Variants in WARS2 observed in about 807,000 individuals in gnomAD.
WARS2 encodes the protein tryptophan--tRNA ligase, mitochondrial.
WARS2 carries 28 observed loss-of-function variants against 36.5 expected under a neutral mutation model. That is an observed-to-expected ratio of 0.77 (90% CI 0.57 to 1.05). WARS2 has a LOEUF of 1.05. WARS2 is among the 50% of genes least tolerant of loss of function. WARS2 has a pLI of 0.00. For synonymous variants in WARS2, 174 were observed against 178.4 expected, an observed-to-expected ratio of 0.98 and a Z score of 0.20; for missense variants, 435 against 456.8, an observed-to-expected ratio of 0.95 and a Z score of 0.44.
chr1:119,055,537 G>A (rs948862120), intron 2 of WARS2, among the ~76,000 whole-genome samples: 1 of 152,140 alleles, frequency 6.6e-6, no homozygotes, highest in Non-Finnish European at 1.5e-5. Flanking sequence ...AGCTACTTGG[G>A]AGGCTGAGGC....
chr1:119,100,822 G>A (rs587620885), intron 1 of WARS2, among the ~76,000 whole-genome samples: 117 of 152,216 alleles, frequency 7.7e-4, no homozygotes, highest in African/African-American at 2.7e-3. Context: ...ATTTGTTGTA[G>A]AGATGGGATT....
At chr1:119,050,248 T>C (rs79092025) in intron 2 of WARS2, among the ~76,000 whole-genome samples, 8 of 152,300 alleles carry the variant, frequency 5.3e-5, no homozygotes, top group African/African-American at 1.4e-4. Flanking sequence ...TCCCTAGATA[T>C]TCACTGACTA....
At chr1:119,092,432 GTACT>G (rs2101413293) in intron 1 of WARS2, among the ~76,000 whole-genome samples, 1 of 152,238 alleles carries the variant, frequency 6.6e-6, no homozygotes, top group South Asian at 2.1e-4. Flanking sequence ...TATTATTTTA[GTACT>G]TACTATCACC....
At chr1:119,048,322 T>G (rs934338292) in intron 2 of WARS2, among the ~76,000 whole-genome samples, 1 of 152,208 alleles carries the variant, frequency 6.6e-6, no homozygotes, top group Admixed American at 6.5e-5. Flanking sequence ...GTCTCAGTTT[T>G]CCCCTCTATA....
intron 1 of WARS2, among the ~76,000 whole-genome samples, chr1:119,129,487 C>T (rs1655935008): frequency 2.6e-5 from 4 of 152,172 alleles, no homozygotes; most frequent in South Asian, 2.1e-4. Context: ...GGCAGGAACA[C>T]CATTTGAGCC....
At chr1:119,062,492 T>C in intron 2 of WARS2, among the ~76,000 whole-genome samples, 1 of 152,316 alleles carries the variant, frequency 6.6e-6, no homozygotes, top group East Asian at 1.9e-4. Flanking sequence ...TTTACTTATA[T>C]TCATTTTTTA....
At chr1:119,115,729 T>C (rs1045932596) in intron 1 of WARS2, among the ~76,000 whole-genome samples, 2 of 152,234 alleles carry the variant, frequency 1.3e-5, no homozygotes, top group Non-Finnish European at 2.9e-5. Context: ...TGTGGTAATC[T>C]GGTTCAAATC....
At chr1:119,121,326 A>C (rs2101537096) in intron 1 of WARS2, among the ~76,000 whole-genome samples, 1 of 152,264 alleles carries the variant, frequency 6.6e-6, no homozygotes, top group African/African-American at 2.4e-5. Context: ...TTAGGAATAT[A>C]CCTAACCAAA....
At chr1:119,096,323 G>A (rs928320940) in intron 1 of WARS2, among the ~76,000 whole-genome samples, 9 of 152,092 alleles carry the variant, frequency 5.9e-5, no homozygotes, top group South Asian at 2.1e-4. Flanking sequence ...AATTGTAAAT[G>A]TAAAGGTCAA....
At chr1:119,033,968 G>C in intron 5 of WARS2, 127 bp downstream of exon 5, 6 of 709,336 alleles carry the variant, frequency 8.5e-6, no homozygotes, top group Non-Finnish European at 1.4e-5. Flanking sequence ...GAGGACTCTA[G>C]TTACAGATCC....
intron 1 of WARS2, 120 bp downstream of exon 1, chr1:119,140,435 G>A (rs1307279635): frequency 8.1e-6 from 7 of 864,064 alleles, no homozygotes; most frequent in South Asian, 6.9e-5. Context: ...GTAGACCTTA[G>A]GCGAGGGAAG....
intron 1 of WARS2, among the ~76,000 whole-genome samples, chr1:119,134,319 C>CAAAAAAAAAAAAAAAAAAA (rs761321480): frequency 1.1e-3 from 70 of 65,840 alleles, no homozygotes; most frequent in South Asian, 2.3e-3. Flanking sequence ...GGCAAAGGGG[C>CAAAAAAAAAAAAAAAAAAA]AAAAAAAAAA....
rs1655468125 is a variant in WARS2, at chr1:119,123,606, A to ACG, written c.90+16948_90+16949insCG. On this transcript the variant is annotated intron_variant, in intron 1 of 5. Coordinates refer to ENST00000235521, the MANE Select transcript of WARS2 (RefSeq NM_015836.4). Reference sequence around the variant, plus strand: ...AGCATGCACTTGTGTGCATGCAAACACACACACACACACACACGTTAATGT... The same window carrying ACG: ...AGCATGCACTTGTGTGCATGCAAACACGCACACACACACACACACGTTAATGT... Among the ~76,000 whole-genome samples, 2 of 115,510 alleles carry ACG rather than the reference A, an allele frequency of 1.7e-5. 1 individual carries two copies. The highest frequency in any genetic ancestry group is 4.7e-4 in the South Asian group (2 of 4,290). 75.8% of individuals were successfully genotyped at this position (115,510 alleles called of 152,430 possible). A position where few individuals can be genotyped will look rare whatever the true frequency, so the allele number is the denominator to read the frequency against.
At chr1:119,095,433 T>C (rs1653364828) in intron 1 of WARS2, among the ~76,000 whole-genome samples, 1 of 151,482 alleles carries the variant, frequency 6.6e-6, no homozygotes, top group African/African-American at 2.4e-5. Context: ...AAAAGACTTC[T>C]TTTTTTTTGA....
chr1:119,043,683 A>T (rs1194318892), intron 3 of WARS2, among the ~76,000 whole-genome samples: 1 of 152,218 alleles, frequency 6.6e-6, no homozygotes, highest in East Asian at 1.9e-4. Context: ...TTAATTTGGA[A>T]ACGTGCAAAT....
In WARS2 at chr1:119,034,211, G is replaced by T. The variant is rs1484021227; in HGVS notation, c.518C>A (p.Ser173Tyr). 3 of 1,612,912 alleles carry T rather than the reference G, an allele frequency of 1.9e-6. No homozygotes were observed. The highest frequency in any genetic ancestry group is 2.5e-6 in the Non-Finnish European group (3 of 1,179,220). ...LQAADILLYKSTHVPVGEDQV... is the reference protein window; with the variant it reads ...LQAADILLYKYTHVPVGEDQV... Reference sequence around the variant, plus strand: ...ATCCTCCCCAACAGGAACGTGTGTGGACCTTTAATAAAAGACAGACAGAAA... The same window carrying T: ...ATCCTCCCCAACAGGAACGTGTGTGTACCTTTAATAAAAGACAGACAGAAA... The change falls in exon 5 of 6, where the codon TCC (serine) becomes TAC (tyrosine). Residue 173 changes from serine to tyrosine, a missense_variant and splice_region_variant. Transcript: ENST00000235521.
intron 2 of WARS2, among the ~76,000 whole-genome samples, chr1:119,049,057 G>C (rs565490605): frequency 1.2e-4 from 19 of 152,232 alleles, no homozygotes; most frequent in South Asian, 8.3e-4. Flanking sequence ...GGGCAACGGA[G>C]CGAGACTCTG....
intron 1 of WARS2, among the ~76,000 whole-genome samples, chr1:119,115,803 C>T (rs1307207604): frequency 6.6e-6 from 1 of 152,192 alleles, no homozygotes; most frequent in African/African-American, 2.4e-5. Context: ...ACCCATGACA[C>T]TTTCTGTGAA....
intron 2 of WARS2, among the ~76,000 whole-genome samples, chr1:119,071,703 C>T (rs78275481): frequency 6.6e-6 from 1 of 151,846 alleles, no homozygotes; most frequent in Admixed American, 6.6e-5. Context: ...TCAAAGGACA[C>T]AAAAAAAGTT....
Sources: gnomAD v4.1 joint callset for allele counts (sites outside exome capture counted in the v4.1 genomes callset) on GRCh38, gnomAD v4.1.1 for gene constraint, MANE v1.5 for transcripts, NCBI Gene and HGNC (gene_info 2026-07-23, HGNC 2026-07-21) for gene names.